Variants in TMTC4 observed in about 807,000 individuals in gnomAD.
TMTC4 encodes protein O-mannosyl-transferase TMTC4.
Under a neutral mutation model 86.0 loss-of-function variants are expected in TMTC4, and 65 were observed. The ratio of observed to expected loss-of-function variants is 0.76; its 90% confidence interval spans 0.62 to 0.93. The LOEUF (loss-of-function observed/expected upper bound fraction) is 0.93, where lower values mean the gene tolerates loss of function less well. Among genes scored for constraint, TMTC4 ranks in the 40% least tolerant of loss-of-function variants. The probability of loss-of-function intolerance (pLI) is 0.00; values close to 1 mark genes in which losing one functional copy is unlikely to be tolerated. For synonymous variants in TMTC4, 379 were observed against 382.5 expected (o/e 0.99, Z 0.11); for missense variants, 866 against 948.1 (o/e 0.91, Z 1.14).
intron 15 of TMTC4, among the ~76,000 whole-genome samples, chr13:100,623,522 T>C (rs942955877): frequency 6.6e-6 from 1 of 152,194 alleles, no homozygotes; most frequent in African/African-American, 2.4e-5. Context: ...TATAAGCCAC[T>C]GTGCCCAGTT....
At position 100,621,434 on chromosome 13, in the gene TMTC4, T is replaced by C. The variant is rs563211012; in HGVS notation, c.1836+4101A>G. Among the ~76,000 whole-genome samples the C allele has an allele frequency of 3.9e-5, 6 of 152,264 alleles. No homozygotes were observed. The East Asian group carries it at 9.6e-4, about 24-fold the overall frequency. ...GAAAGAAGAATTCTTTTTTTTTATT[T>C]TTATTTTTTGAGATGGAGTCTTGCT... On this transcript the variant is annotated intron_variant, in intron 15 of 18. Transcript: ENST00000342624.
intron 3 of TMTC4, among the ~76,000 whole-genome samples, chr13:100,667,445 C>T (rs1049383809): frequency 3.3e-5 from 5 of 151,800 alleles, no homozygotes; most frequent in South Asian, 2.1e-4. Context: ...ACAACAACAA[C>T]GAAAACCCAT....
chr13:100,661,034 C>T (rs1037040951), intron 5 of TMTC4, among the ~76,000 whole-genome samples: 4 of 152,150 alleles, frequency 2.6e-5, no homozygotes, highest in African/African-American at 9.7e-5. Context: ...TCTGCAGAAA[C>T]GCTGAAAGGT....
rs952683075 is a variant in TMTC4 at position 100,603,757 on chromosome 13, C to T, written c.*1237G>A. On this transcript the variant is annotated 3_prime_UTR_variant, in exon 19 of 19. Coordinates refer to ENST00000342624, the MANE Select transcript of TMTC4 (RefSeq NM_032813.5). ...ACATTCCTCTCAGTGTGGATCTACT[C>T]GCTCTGTTCTCTGAACTTGGAAAAC... 2.0e-5 allele frequency among the ~76,000 whole-genome samples: 3 copies of T among 151,942 alleles called. No homozygotes were observed. Among genetic ancestry groups the T allele is most frequent in the Non-Finnish European group, 2.9e-5 (2 of 67,966 alleles).
chr13:100,614,165 G>A (rs1878099499), intron 16 of TMTC4, 151 bp downstream of exon 16: 7 of 662,852 alleles, frequency 1.1e-5, no homozygotes, highest in Non-Finnish European at 5.1e-6. Flanking sequence ...TAGAGGAATA[G>A]ACATTTTTGT....
rs1369555029 is a variant in TMTC4, at chr13:100,605,993, A to T, written c.2134+365T>A. Among the ~76,000 whole-genome samples the T allele has an allele frequency of 6.6e-6, 1 of 152,202 alleles. No homozygotes were observed. The highest frequency in any genetic ancestry group is 1.9e-4 in the East Asian group (1 of 5,196). ...TACTCTGTAAGAAGGAAGGAAAAGGAGGTAAGTTCAATGGCAAGCTTCCAA... is the reference window on the plus strand; with the variant it reads ...TACTCTGTAAGAAGGAAGGAAAAGGTGGTAAGTTCAATGGCAAGCTTCCAA... On this transcript the variant is annotated intron_variant, in intron 18 of 18. Coordinates refer to ENST00000342624, the MANE Select transcript of TMTC4 (RefSeq NM_032813.5). The surrounding 1 kb of genome is among the most constrained non-coding windows in gnomAD (Gnocchi z 4.3).
chr13:100,620,237 T>C (rs9513771), intron 15 of TMTC4, among the ~76,000 whole-genome samples: 144,916 of 152,232 alleles, frequency 0.95, 69,373 homozygotes, highest in East Asian at 1. Flanking sequence ...CCTTTTGTTC[T>C]GTTCTGTCAA....
At chr13:100,625,705 C>G (rs1254917669) in intron 14 of TMTC4, 29 bp from the exon 15 acceptor site, 2 of 1,611,696 alleles carry the variant, frequency 1.2e-6, no homozygotes, top group Non-Finnish European at 8.5e-7. Context: ...CAAAGATAAA[C>G]AAGAAGATGA....
chr13:100,642,251 G>A lies in TMTC4; in HGVS notation c.701C>T (p.Ala234Val), dbSNP rs867545539. Residue 234 changes from alanine (A) to valine (V), a missense_variant, in exon 7 of 19, where the codon GCA (alanine) becomes GTA (valine). Coordinates refer to ENST00000342624, the MANE Select transcript of TMTC4 (RefSeq NM_032813.5). ...FWVLLSIFLG[A>V]VAMLCKEQGI... ...TTGCTCTTTGCACAGCATGGCCACT[G>A]CTCCCAGAAAGATACTCAGCAGCAC... 7 of 1,614,086 alleles carry A rather than the reference G, an allele frequency of 4.3e-6. No individual in the cohort carries two copies. The African/African-American group carries it at 9.3e-5, about 22-fold the overall frequency.
At chr13:100,638,052 C>A (rs367545506) in intron 7 of TMTC4, 30 bp from the exon 8 acceptor site, 13 of 1,581,090 alleles carry the variant, frequency 8.2e-6, no homozygotes, top group South Asian at 1.1e-5. Flanking sequence ...CAATCAGCCA[C>A]GGGAGAGCTT....
At chr13:100,613,284 C>T (rs546644705) in intron 16 of TMTC4, among the ~76,000 whole-genome samples, 7 of 152,246 alleles carry the variant, frequency 4.6e-5, no homozygotes, top group Admixed American at 2.6e-4. Context: ...TCTAGTTCCA[C>T]GAGGTCCATT....
chr13:100,655,194 G>GT (rs1051329128), intron 6 of TMTC4, among the ~76,000 whole-genome samples: 1 of 151,830 alleles, frequency 6.6e-6, no homozygotes, highest in African/African-American at 2.4e-5. Context: ...GCTAATTTTT[G>GT]TACTTTTAGT....
rs374326272 is a variant in TMTC4 at position 100,668,767 on chromosome 13, C to T, written c.31G>A (p.Gly11Arg). The T allele has an allele frequency of 9.7e-5, 156 of 1,614,160 alleles. No homozygotes were observed. The African/African-American group carries it at 1.4e-3, about 14-fold the overall frequency. Residue 11 changes from glycine (G) to arginine (R), a missense_variant, in exon 3 of 19, where the codon GGG becomes AGG. Gly to Arg is a moderately radical substitution (Grantham distance 125). Transcript: ENST00000342624. ...CTGAAAACTGCAGGTTGGTGGCTCC[C>T]GGCTCCAGCATTATGCTGGTTAGGA... is the stretch of plus-strand genomic sequence containing the variant. The part of the protein sequence containing the change: MIPNQHNAGA[G>R]SHQPAVFRMA...
intron 15 of TMTC4, among the ~76,000 whole-genome samples, chr13:100,619,325 G>GCACA: frequency 1.0e-5 from 1 of 95,480 alleles, no homozygotes; most frequent in African/African-American, 4.2e-5. Flanking sequence ...GTTAATAAAA[G>GCACA]CAGACACACA....
chr13:100,647,337 C>T (rs1883886674), intron 6 of TMTC4, among the ~76,000 whole-genome samples: 1 of 152,166 alleles, frequency 6.6e-6, no homozygotes, highest in Non-Finnish European at 1.5e-5. Flanking sequence ...GTGCCATGGC[C>T]GGGCTCCATC....
intron 6 of TMTC4, among the ~76,000 whole-genome samples, chr13:100,650,988 C>T (rs1022967370): frequency 1.3e-5 from 2 of 152,172 alleles, no homozygotes; most frequent in Non-Finnish European, 2.9e-5. Flanking sequence ...TATAGAACTA[C>T]ACAGCTTAAG....
At chr13:100,655,094 T>C (rs4608200) in intron 6 of TMTC4, among the ~76,000 whole-genome samples, 15,968 of 146,962 alleles carry the variant, frequency 0.11, 940 homozygotes, top group Non-Finnish European at 0.14. Flanking sequence ...CAATCTCGGC[T>C]CACTGCAGCC....
chr13:100,612,652 AATAC>A, intron 16 of TMTC4, 142 bp from the exon 17 acceptor site: 1 of 496,282 alleles, frequency 2.0e-6, no homozygotes, highest in East Asian at 3.7e-5. Flanking sequence ...TAGATCATGT[AATAC>A]ACACACACAC....
intron 18 of TMTC4, among the ~76,000 whole-genome samples, chr13:100,606,023 C>G (rs989583968): frequency 3.3e-5 from 5 of 152,120 alleles, no homozygotes; most frequent in African/African-American, 1.2e-4. Context: ...TTCCAAAGTA[C>G]CTACGATTAA....
Sources: gnomAD v4.1 joint callset for allele counts (sites outside exome capture counted in the v4.1 genomes callset) on GRCh38, gnomAD v4.1.1 for gene constraint, Gnocchi (gnomAD v3.1) non-coding constraint, MANE v1.5 for transcripts, NCBI Gene and HGNC (gene_info 2026-07-23, HGNC 2026-07-21) for gene names.